TBC1D8: variants seen among roughly 807,000 people sequenced by gnomAD.
TBC1D8 encodes TBC1 domain family member 8.
A neutral mutation model predicts 118.8 loss-of-function variants in TBC1D8; 65 were observed. The ratio of observed to expected loss-of-function variants is 0.55; its 90% CI spans 0.45 to 0.67. TBC1D8 has a LOEUF of 0.67. Ranked by LOEUF, TBC1D8 falls within the 30% of genes least tolerant of loss-of-function variation. The pLI is 0.00. For missense variants in TBC1D8, 1,376 were observed against 1,471.2 expected, an observed-to-expected ratio of 0.94 and a Z score of 1.06; for synonymous variants, 566 against 595.8, an observed-to-expected ratio of 0.95 and a Z score of 0.73.
At chr2:101,047,430 C>T (rs1252172995) in intron 5 of TBC1D8, among the ~76,000 whole-genome samples, 1 of 152,176 alleles carries the variant, frequency 6.6e-6, no homozygotes, top group Non-Finnish European at 1.5e-5. Context: ...AAGGGACCAA[C>T]CAAAGAGAGC....
intron 3 of TBC1D8, 30 bp from the exon 4 acceptor site, chr2:101,054,366 A>G (rs1682257134): frequency 1.9e-6 from 3 of 1,548,952 alleles, no homozygotes; most frequent in Non-Finnish European, 2.6e-6. Context: ...GTCCCTGCTC[A>G]GTGAGCCAGC....
chr2:101,097,697 T>C (rs1204975163), intron 1 of TBC1D8, among the ~76,000 whole-genome samples: 3 of 152,074 alleles, frequency 2.0e-5, no homozygotes, highest in Non-Finnish European at 4.4e-5. Context: ...ACTTTTTACA[T>C]TTTTCACAAA....
chr2:101,120,522 T>A (rs1678054181), intron 1 of TBC1D8, among the ~76,000 whole-genome samples: 2 of 152,220 alleles, frequency 1.3e-5, no homozygotes, highest in Non-Finnish European at 2.9e-5. Context: ...AGCAGGGACC[T>A]TTGTTATCTG....
At chr2:101,062,807 A>ACTAACAATACTAAC (rs1360027844) in intron 2 of TBC1D8, among the ~76,000 whole-genome samples, 2 of 152,182 alleles carry the variant, frequency 1.3e-5, no homozygotes, top group East Asian at 3.9e-4. Flanking sequence ...ACGCCTGGCT[A>ACTAACAATACTAAC]ACTTTTGTAT....
intron 11 of TBC1D8, among the ~76,000 whole-genome samples, chr2:101,030,752 G>A (rs915943931): frequency 2.6e-5 from 4 of 152,132 alleles, no homozygotes; most frequent in South Asian, 2.1e-4. Context: ...ACTCAAATGC[G>A]CATCAGCAGG....
At chr2:101,145,976 GT>G (rs1679302244) in intron 1 of TBC1D8, among the ~76,000 whole-genome samples, 1 of 152,110 alleles carries the variant, frequency 6.6e-6, no homozygotes, top group South Asian at 2.1e-4. Context: ...CCATTATTCA[GT>G]TTTTTTAAAT....
chr2:101,026,587 A>G (rs1680350103), intron 15 of TBC1D8, among the ~76,000 whole-genome samples: 1 of 152,136 alleles, frequency 6.6e-6, no homozygotes, highest in African/African-American at 2.4e-5. Flanking sequence ...TCAGGAGGGA[A>G]AGGGGCTTGG....
intron 18 of TBC1D8, 42 bp downstream of exon 18, chr2:101,011,409 A>G (rs1309827865): frequency 6.3e-7 from 1 of 1,599,144 alleles, no homozygotes; most frequent in Admixed American, 1.7e-5. Flanking sequence ...CCGCCACTGC[A>G]GTGGTATGCA....
intron 5 of TBC1D8, among the ~76,000 whole-genome samples, chr2:101,043,607 G>A (rs960038886): frequency 1.3e-5 from 2 of 152,148 alleles, no homozygotes; most frequent in African/African-American, 4.8e-5. Flanking sequence ...GGGAGTACTT[G>A]TATTTACATT....
chr2:101,114,076 G>C (rs1038208645), intron 1 of TBC1D8, among the ~76,000 whole-genome samples: 6 of 152,208 alleles, frequency 3.9e-5, no homozygotes, highest in Non-Finnish European at 8.8e-5. Flanking sequence ...AGCCAGTGAG[G>C]CCACAGTGGG....
intron 3 of TBC1D8, among the ~76,000 whole-genome samples, chr2:101,054,672 C>CCTTTTTTTTTTTTTTTTT: frequency 3.9e-5 from 1 of 25,440 alleles, no homozygotes; most frequent in East Asian, 1.5e-3. Context: ...CTTTTCTTTT[C>CCTTTTTTTTTTTTTTTTT]TTTTTTTTTT....
At chr2:101,087,031 G>A (rs1279029760) in intron 2 of TBC1D8, among the ~76,000 whole-genome samples, 5 of 152,124 alleles carry the variant, frequency 3.3e-5, no homozygotes, top group East Asian at 2.0e-4. Flanking sequence ...TGATCCGCCC[G>A]CCTCAGCCTC....
At chr2:101,142,566 T>C (rs1679152775) in intron 1 of TBC1D8, among the ~76,000 whole-genome samples, 1 of 152,162 alleles carries the variant, frequency 6.6e-6, no homozygotes, top group African/African-American at 2.4e-5. Flanking sequence ...AATGGATTAC[T>C]ACACATCCAT....
At chr2:101,110,824 A>T (rs974439689) in intron 1 of TBC1D8, among the ~76,000 whole-genome samples, 6 of 152,130 alleles carry the variant, frequency 3.9e-5, no homozygotes, top group South Asian at 4.1e-4. Flanking sequence ...TACAAAAAAA[A>T]TTAGCCGGGC....
chr2:101,085,005 G>C (rs1479120691), intron 2 of TBC1D8, among the ~76,000 whole-genome samples: 2 of 151,740 alleles, frequency 1.3e-5, no homozygotes, highest in African/African-American at 4.8e-5. Context: ...CCTGCCACCA[G>C]GCCCAGCTAA....
chr2:101,119,762 GT>G (rs762863989), intron 1 of TBC1D8, among the ~76,000 whole-genome samples: 8 of 152,298 alleles, frequency 5.3e-5, no homozygotes, highest in Non-Finnish European at 1.2e-4. Flanking sequence ...CATTTCTGTA[GT>G]TACTTTCACC....
At chr2:101,102,062 G>C (rs1264207865) in intron 1 of TBC1D8, among the ~76,000 whole-genome samples, 1 of 135,840 alleles carries the variant, frequency 7.4e-6, no homozygotes, top group African/African-American at 2.7e-5. Flanking sequence ...GGAGGGGAGG[G>C]AAGGGGAGGG....
chr2:101,039,025 C>G (rs1681216484), intron 6 of TBC1D8, among the ~76,000 whole-genome samples: 1 of 152,026 alleles, frequency 6.6e-6, no homozygotes, highest in South Asian at 2.1e-4. Context: ...GAGTGAAATT[C>G]ATAGATACAG....
intron 1 of TBC1D8, among the ~76,000 whole-genome samples, chr2:101,124,690 T>A (rs1678276234): frequency 1.3e-5 from 2 of 152,110 alleles, no homozygotes; most frequent in African/African-American, 4.8e-5. Context: ...CAAATGTGAC[T>A]TTTTCCCCAA....
Sources: gnomAD v4.1 joint callset for allele counts (sites outside exome capture counted in the v4.1 genomes callset) on GRCh38, gnomAD v4.1.1 for gene constraint, MANE v1.5 for transcripts, NCBI Gene and HGNC (gene_info 2026-07-23, HGNC 2026-07-21) for gene names.